The following CAMK2G variants were observed in gnomAD, a reference collection of about 807,000 sequenced individuals.
The protein encoded by CAMK2G is calcium/calmodulin-dependent protein kinase type II subunit gamma.
Under a neutral mutation model 88.7 loss-of-function variants are expected in CAMK2G, and 23 were observed. The ratio of observed to expected loss-of-function variants is 0.26; its 90% CI spans 0.19 to 0.37. The LOEUF (loss-of-function observed/expected upper bound fraction) is 0.37. CAMK2G is among the 10% of genes least tolerant of loss of function. CAMK2G has a pLI of 1.00. For synonymous variants in CAMK2G, 263 were observed against 294.8 expected (o/e 0.89, Z 1.11); for missense variants, 476 against 780.8 (o/e 0.61, Z 4.65).
At chr10:73,829,697 T>TGG (rs1191219432) in intron 14 of CAMK2G, among the ~76,000 whole-genome samples, 8 of 111,524 alleles carry the variant, frequency 7.2e-5, no homozygotes, top group Non-Finnish European at 1.3e-4. Flanking sequence ...ATATAAGTAG[T>TGG]GGGGTGTGTG....
intron 2 of CAMK2G, among the ~76,000 whole-genome samples, chr10:73,870,187 C>T (rs1364604344): frequency 1.3e-5 from 2 of 152,174 alleles, no homozygotes; most frequent in Non-Finnish European, 1.5e-5. Context: ...ATTGCCATCA[C>T]CTGGCCCACT....
At chr10:73,850,816 A>AGTAGGACACAGCCCAAGG (rs932737495) in intron 5 of CAMK2G, among the ~76,000 whole-genome samples, 1 of 152,220 alleles carries the variant, frequency 6.6e-6, no homozygotes, top group African/African-American at 2.4e-5. Flanking sequence ...ACAGCCCAAG[A>AGTAGGACACAGCCCAAGG]GTGGGCCACA....
intron 19 of CAMK2G, among the ~76,000 whole-genome samples, chr10:73,819,179 T>C (rs1268009986): frequency 6.6e-6 from 1 of 152,028 alleles, no homozygotes; most frequent in Non-Finnish European, 1.5e-5. Context: ...GCTGTCACGA[T>C]TTCCCCATCA....
In CAMK2G at chr10:73,840,934, C is replaced by T. The variant is rs183320530; in HGVS notation, c.946+1235G>A. 3.2e-3 allele frequency among the ~76,000 whole-genome samples: 483 copies of T among 152,364 alleles called. 2 individuals carry two copies. Among genetic ancestry groups the T allele is most frequent in the South Asian group, 0.014 (69 of 4,832 alleles). ...CAACTCCACCGGAGGCAGCCAGCCA[C>T]GCTTCCCTGTTCCCATCTGCGAGAG... is the stretch of plus-strand genomic sequence containing the variant. On this transcript the variant is annotated intron_variant, in intron 12 of 22. Coordinates refer to ENST00000423381, the MANE Select transcript of CAMK2G (RefSeq NM_001367534.1).
intron 3 of CAMK2G, among the ~76,000 whole-genome samples, chr10:73,853,811 A>G (rs2094822241): frequency 6.6e-6 from 1 of 152,250 alleles, no homozygotes. Context: ...AGTGCTTACT[A>G]TGCCAGGCCT....
rs565846712 is a variant in CAMK2G, at chr10:73,868,690, C to G, written c.160+4299G>C. On this transcript the variant is annotated intron_variant, in intron 2 of 22. Transcript: ENST00000423381. ...CCACTCCCTGCATTACTGCTTCCCCCTCCCTTCTCTTTCCCTCACTTCACC... is the reference window on the plus strand; with the variant it reads ...CCACTCCCTGCATTACTGCTTCCCCGTCCCTTCTCTTTCCCTCACTTCACC... Among the ~76,000 whole-genome samples, 11 of 152,256 alleles carry G rather than the reference C, an allele frequency of 7.2e-5. 1 individual carries two copies. Among genetic ancestry groups the G allele is most frequent in the Admixed American group, 7.2e-4 (11 of 15,302 alleles).
chr10:73,851,385 G>A (rs1486036842), intron 5 of CAMK2G, among the ~76,000 whole-genome samples: 3 of 152,210 alleles, frequency 2.0e-5, no homozygotes, highest in Non-Finnish European at 4.4e-5. Context: ...GGCAGAGGCT[G>A]AGGCATGTGG....
chr10:73,858,042 G>A (rs931704778), intron 3 of CAMK2G, among the ~76,000 whole-genome samples: 5 of 152,104 alleles, frequency 3.3e-5, no homozygotes, highest in Admixed American at 6.5e-5. Context: ...ATTTGTTACC[G>A]TCTATGAACC....
rs2094688778 is a variant in CAMK2G, at chr10:73,852,332, GGAA to G, written c.276-16_276-14del. 6.2e-7 allele frequency: 1 copy of G among 1,612,364 alleles called. No homozygotes were observed. The highest frequency in any genetic ancestry group is 8.5e-7 in the Non-Finnish European group (1 of 1,178,414). On this transcript the variant is annotated splice_polypyrimidine_tract_variant and intron_variant, in intron 4 of 22. Coordinates refer to ENST00000423381, the MANE Select transcript of CAMK2G (RefSeq NM_001367534.1). The stretch of plus-strand genomic sequence containing the variant: ...CCCGCCGGTAACACTGCAACCAACG[GGAA>G]GAAGAGGGTCAGAGGCAGAAAGGGT...
At chr10:73,833,883 G>A (rs1199954007) in intron 14 of CAMK2G, among the ~76,000 whole-genome samples, 5 of 138,112 alleles carry the variant, frequency 3.6e-5, no homozygotes, top group Non-Finnish European at 7.6e-5. Context: ...ACAGATGTGA[G>A]CCACCACACC....
intron 18 of CAMK2G, 25 bp from the exon 19 acceptor site, chr10:73,819,670 C>A (rs144496542): frequency 2.1e-5 from 30 of 1,419,570 alleles, no homozygotes; most frequent in Middle Eastern, 2.4e-4. Flanking sequence ...CAGGGCAGGG[C>A]AGGGCAAGGC....
rs67135801 is a variant in CAMK2G, at chr10:73,847,938, CA to C, written c.696+49del. On this transcript the variant is annotated intron_variant, in intron 9 of 22. Coordinates refer to ENST00000423381, the MANE Select transcript of CAMK2G (RefSeq NM_001367534.1). The stretch of plus-strand genomic sequence containing the variant: ...GCTCCCTTGGACAGAGCCCGAGGAG[CA>C]AGGACATCTGCCCTTCCTGGCCTGG... The C allele has an allele frequency of 1, 1,067,199 of 1,071,496 alleles. 531,543 individuals are homozygous for C. The highest frequency in any genetic ancestry group is 1 in the Non-Finnish European group (688,199 of 688,370). 66.4% of individuals were successfully genotyped at this position (1,071,496 alleles called of 1,614,324 possible).
At chr10:73,847,016 G>A (rs1441472164) in intron 10 of CAMK2G, 5 of 552,992 alleles carry the variant, frequency 9.0e-6, no homozygotes, top group African/African-American at 5.7e-5. Context: ...GTGGGGGAGA[G>A]AGGAGCAGTG....
intron 10 of CAMK2G, among the ~76,000 whole-genome samples, chr10:73,845,904 C>CTT (rs775000753): frequency 7.4e-5 from 10 of 135,888 alleles, no homozygotes; most frequent in African/African-American, 8.1e-5. Flanking sequence ...CAATTCCCTT[C>CTT]TTTTTTTTTT....
intron 18 of CAMK2G, among the ~76,000 whole-genome samples, chr10:73,820,492 A>ATATATATAT (rs1554995765): frequency 1.4e-4 from 7 of 51,060 alleles, no homozygotes; most frequent in East Asian, 5.4e-4. Context: ...ATATATATAT[A>ATATATATAT]TTTTTTTTTT....
At position 73,839,614 on chromosome 10, in the gene CAMK2G, A is replaced by G; in HGVS notation, c.947-13T>C. ...CTCTGCCTGCCAACTGAGGGGATACAGTCTCTCAGTGCACAGAGCCCCGCA... is the reference window on the plus strand; with the variant it reads ...CTCTGCCTGCCAACTGAGGGGATACGGTCTCTCAGTGCACAGAGCCCCGCA... On this transcript the variant is annotated splice_polypyrimidine_tract_variant and intron_variant, in intron 12 of 22. Transcript: ENST00000423381. This position sits in a 1 kb window ranked among gnomAD's most constrained non-coding sequence, Gnocchi z 4.2. 5 of 1,228,582 alleles carry G rather than the reference A, an allele frequency of 4.1e-6. No homozygotes were observed. The highest frequency in any genetic ancestry group is 3.2e-5 in the East Asian group (1 of 31,610). 76.1% of individuals were successfully genotyped at this position (1,228,582 alleles called of 1,614,324 possible).
At chr10:73,861,741 G>A (rs186844341) in intron 2 of CAMK2G, among the ~76,000 whole-genome samples, 2 of 152,318 alleles carry the variant, frequency 1.3e-5, no homozygotes, top group Admixed American at 6.5e-5. Context: ...TAGGGGTTTT[G>A]CATATATTCT....
intron 2 of CAMK2G, among the ~76,000 whole-genome samples, chr10:73,865,153 A>C (rs1042116778): frequency 5.9e-5 from 9 of 152,200 alleles, no homozygotes; most frequent in African/African-American, 2.4e-5. Context: ...GCCCAGGCAG[A>C]TGCAGGGTCT....
chr10:73,828,201 G>A (rs937279580), intron 14 of CAMK2G, 80 bp from the exon 15 acceptor site: 7 of 1,152,500 alleles, frequency 6.1e-6, no homozygotes, highest in South Asian at 2.5e-5. Flanking sequence ...GCAGGTTAGC[G>A]CACCAGTGTG....
Sources: gnomAD v4.1 joint callset for allele counts (sites outside exome capture counted in the v4.1 genomes callset) on GRCh38, gnomAD v4.1.1 for gene constraint, Gnocchi (gnomAD v3.1) non-coding constraint, MANE v1.5 for transcripts, NCBI Gene and HGNC (gene_info 2026-07-23, HGNC 2026-07-21) for gene names.